TPD52: variants seen among roughly 807,000 people sequenced by gnomAD.
TPD52 encodes prostate and colon associated protein.
A neutral mutation model predicts 31.3 loss-of-function variants in TPD52; 17 were observed. That is an observed-to-expected ratio of 0.54 (90% CI 0.37 to 0.82). The LOEUF is 0.82. TPD52 is among the 40% of genes least tolerant of loss of function. TPD52 has a pLI of 0.00. For missense variants in TPD52, 212 were observed against 240.1 expected (o/e 0.88, Z 0.77); for synonymous variants, 83 against 89.6 (o/e 0.93, Z 0.42).
At chr8:80,156,578 G>A (rs1040439004) in intron 1 of TPD52, among the ~76,000 whole-genome samples, 7 of 152,242 alleles carry the variant, frequency 4.6e-5, no homozygotes, top group African/African-American at 1.4e-4. Context: ...GAAAGAGCTG[G>A]GCAGGATATC....
intron 1 of TPD52, among the ~76,000 whole-genome samples, chr8:80,106,675 C>T (rs559921571): frequency 1.6e-5 from 2 of 128,480 alleles, no homozygotes; most frequent in East Asian, 3.0e-4. Flanking sequence ...AGGTCTTACT[C>T]GTTCTATTTT....
intron 1 of TPD52, among the ~76,000 whole-genome samples, chr8:80,118,072 A>G (rs1807998002): frequency 6.6e-6 from 1 of 152,028 alleles, no homozygotes; most frequent in Admixed American, 6.5e-5. Flanking sequence ...CTACAACACT[A>G]CAGTAATCAA....
intron 1 of TPD52, among the ~76,000 whole-genome samples, chr8:80,073,726 T>C (rs926746472): frequency 1.3e-5 from 2 of 152,248 alleles, no homozygotes; most frequent in Non-Finnish European, 2.9e-5. Flanking sequence ...TCGAGCTTTT[T>C]ATTTTATATA....
At chr8:80,047,276 C>T (rs1810955591) in intron 5 of TPD52, among the ~76,000 whole-genome samples, 2 of 152,118 alleles carry the variant, frequency 1.3e-5, no homozygotes, top group Non-Finnish European at 2.9e-5. Context: ...GCTCAGTTTC[C>T]TCATCTGTAA....
chr8:80,033,607 T>C (rs1341299536), downstream of TPD52, among the ~76,000 whole-genome samples: 1 of 152,160 alleles, frequency 6.6e-6, no homozygotes, highest in Non-Finnish European at 1.5e-5. Context: ...CAGGAACATG[T>C]TACAGTTCCT....
chr8:80,162,822 A>G (rs6997518), intron 1 of TPD52, among the ~76,000 whole-genome samples: 12,111 of 152,126 alleles, frequency 0.08, 570 homozygotes, highest in South Asian at 0.21. Context: ...AGCACTTGGG[A>G]GTCTGAGGCA....
At chr8:80,107,586 G>A (rs533074850) in intron 1 of TPD52, among the ~76,000 whole-genome samples, 1 of 152,200 alleles carries the variant, frequency 6.6e-6, no homozygotes, top group South Asian at 2.1e-4. Flanking sequence ...GTGTGTGTGT[G>A]TCTATATATA....
intron 4 of TPD52, 92 bp from the exon 5 acceptor site, chr8:80,050,563 TC>T: frequency 7.9e-7 from 1 of 1,273,818 alleles, no homozygotes; most frequent in Non-Finnish European, 1.1e-6. Flanking sequence ...TATAATGTTT[TC>T]CCTGGGCTCT....
rs7812559 is a variant in TPD52 at position 80,159,381 on chromosome 8, C to G, written c.19+12044G>C. ...TCTGGTATAGATACACTGCTTGGTG[C>G]TCCTTTCCATGGCTCCTACCACAGC... On this transcript the variant is annotated intron_variant, in intron 1 of 7. Transcript: ENST00000518937. Among the ~76,000 whole-genome samples, 1,046 of 152,300 alleles carry G rather than the reference C, an allele frequency of 6.9e-3. 13 individuals are homozygous for G. The highest frequency in any genetic ancestry group is 0.024 in the African/African-American group (1,008 of 41,558).
chr8:80,082,636 A>C (rs1197107758), intron 1 of TPD52, among the ~76,000 whole-genome samples: 3 of 152,206 alleles, frequency 2.0e-5, no homozygotes, highest in Non-Finnish European at 4.4e-5. Context: ...TTCAACACTG[A>C]GGCAGAAATG....
At chr8:80,071,475 C>T (rs555747947) in intron 1 of TPD52, among the ~76,000 whole-genome samples, 1 of 152,270 alleles carries the variant, frequency 6.6e-6, no homozygotes, top group South Asian at 2.1e-4. Context: ...CACTACTCTT[C>T]AACCCCCTGC....
chr8:80,158,150 T>C (rs1028107019), intron 1 of TPD52, among the ~76,000 whole-genome samples: 1 of 151,584 alleles, frequency 6.6e-6, no homozygotes, highest in Non-Finnish European at 1.5e-5. Context: ...AAAACACCCA[T>C]GACTTCTCCA....
intron 1 of TPD52, among the ~76,000 whole-genome samples, chr8:80,148,882 C>A (rs562304332): frequency 6.6e-6 from 1 of 152,198 alleles, no homozygotes; most frequent in East Asian, 1.9e-4. Context: ...AAAATCATTT[C>A]TTTTTTTAAC....
intron 1 of TPD52, among the ~76,000 whole-genome samples, chr8:80,124,878 TAC>T (rs1214942226): frequency 6.6e-6 from 1 of 152,164 alleles, no homozygotes; most frequent in Non-Finnish European, 1.5e-5. Flanking sequence ...GAGCAGAAAG[TAC>T]AGAGAGTTCC....
chr8:80,066,980 A>G (rs565715619), intron 1 of TPD52: 1 of 152,352 alleles, frequency 6.6e-6, no homozygotes, highest in East Asian at 1.9e-4. Context: ...AAAACAAGCA[A>G]AACTCAGGTA....
intron 3 of TPD52, chr8:80,051,966 T>C (rs1811429584): frequency 1.4e-5 from 3 of 216,852 alleles, no homozygotes; most frequent in Non-Finnish European, 2.7e-5. Flanking sequence ...ATACCTATTG[T>C]TCTTTTCTCA....
chr8:80,108,727 G>GAATT (rs3053808), intron 1 of TPD52, among the ~76,000 whole-genome samples: 67,143 of 151,564 alleles, frequency 0.44, 15,295 homozygotes, highest in East Asian at 0.79. Context: ...TGCAGAACAA[G>GAATT]AATTACATAA....
At chr8:80,097,475 C>A (rs1806417616) in intron 1 of TPD52, among the ~76,000 whole-genome samples, 1 of 152,164 alleles carries the variant, frequency 6.6e-6, no homozygotes, top group Non-Finnish European at 1.5e-5. Context: ...GTGATTAGAT[C>A]ATAGGGGCAG....
chr8:80,128,494 CAAAA>C (rs3053828), intron 1 of TPD52, among the ~76,000 whole-genome samples: 4 of 83,150 alleles, frequency 4.8e-5, no homozygotes, highest in African/African-American at 2.1e-4. Context: ...CCTGTCTCTA[CAAAA>C]AAAAAAAAAA....
Sources: allele counts gnomAD v4.1 joint callset (sites outside exome capture counted in the v4.1 genomes callset), GRCh38; gene constraint gnomAD v4.1.1; transcripts MANE v1.5; gene names NCBI Gene and HGNC (gene_info 2026-07-23, HGNC 2026-07-21).